Variants in MAPK14 observed in about 807,000 individuals in gnomAD.
The protein encoded by MAPK14 is mitogen-activated protein kinase 14.
In MAPK14, 16 loss-of-function variants were observed where a neutral mutation model predicts 49.6. The observed-to-expected ratio is 0.32, with a 90% confidence interval of 0.22 to 0.49. The LOEUF (loss-of-function observed/expected upper bound fraction) is 0.49. Ranked by LOEUF, MAPK14 falls within the 20% of genes least tolerant of loss-of-function variation. MAPK14 has a pLI of 0.99. For synonymous variants in MAPK14, 142 were observed against 158.0 expected (o/e 0.90, Z 0.76); for missense variants, 200 against 441.2 (o/e 0.45, Z 4.90).
At chr6:36,067,857 A>G (rs1764120590) in intron 3 of MAPK14, among the ~76,000 whole-genome samples, 1 of 152,070 alleles carries the variant, frequency 6.6e-6, no homozygotes, top group Admixed American at 6.6e-5. Flanking sequence ...TTGAGTGCCT[A>G]CTATCTATCA....
chr6:36,108,493 G>A lies in MAPK14; in HGVS notation c.*46G>A, dbSNP rs1331035053. ...TGATCCCACTTCACTGTGAGGGGAA[G>A]GCCTTTTCACGGGAACTCTCCAAAT... On this transcript the variant is annotated 3_prime_UTR_variant, in exon 12 of 12. Coordinates refer to ENST00000229794, the MANE Select transcript of MAPK14 (RefSeq NM_139012.3). 2.0e-6 allele frequency: 3 copies of A among 1,476,990 alleles called. No individual in the cohort carries two copies. The highest frequency in any genetic ancestry group is 3.3e-5 in the Admixed American group (2 of 59,822). The allele number at this position is 1,476,990 out of a possible 1,614,324, so 91.5% of individuals were successfully genotyped here.
At chr6:36,101,251 G>A (rs1474653656) in intron 9 of MAPK14, among the ~76,000 whole-genome samples, 1 of 152,036 alleles carries the variant, frequency 6.6e-6, no homozygotes, top group Non-Finnish European at 1.5e-5. Flanking sequence ...ACCATCCTGG[G>A]CAACACAGCA....
intron 1 of MAPK14, among the ~76,000 whole-genome samples, chr6:36,036,614 T>C (rs780018712): frequency 4.6e-5 from 7 of 152,164 alleles, no homozygotes; most frequent in African/African-American, 1.7e-4. Context: ...CCCTGAGTAG[T>C]CAGCAGCCAT....
chr6:36,115,967 G>A (rs2127481635), downstream of MAPK14, among the ~76,000 whole-genome samples: 1 of 151,342 alleles, frequency 6.6e-6, no homozygotes, highest in East Asian at 1.9e-4. Flanking sequence ...AAGTTATCTG[G>A]GCATGGTGGC....
At chr6:36,117,474 A>G in the MAPK14 span, among the ~76,000 whole-genome samples, 5 of 151,988 alleles carry the variant, frequency 3.3e-5, no homozygotes, top group East Asian at 9.6e-4. Flanking sequence ...CCCTCAGTAA[A>G]TTTCTGACCA....
intron 2 of MAPK14, among the ~76,000 whole-genome samples, chr6:36,058,088 G>A (rs538490338): frequency 5.3e-5 from 8 of 152,216 alleles, no homozygotes; most frequent in Admixed American, 5.2e-4. Context: ...ATGGGTTATT[G>A]AGTATTAAGT....
rs542377233 is a variant in MAPK14 at position 36,101,445 on chromosome 6, A to T, written c.763-1126A>T. 4.1e-3 allele frequency among the ~76,000 whole-genome samples: 629 copies of T among 152,092 alleles called. 1 individual carries two copies. Among genetic ancestry groups the T allele is most frequent in the African/African-American group, 0.011 (472 of 41,442 alleles). On this transcript the variant is annotated intron_variant, in intron 9 of 11. Transcript: ENST00000229794. ...GAGCAGAGACTGTGTCTCTAAAAAA[A>T]TTTTTTTAATAAATAAAGAAGGTGA...
At chr6:36,034,677 C>T (rs1762667195) in intron 1 of MAPK14, among the ~76,000 whole-genome samples, 1 of 152,092 alleles carries the variant, frequency 6.6e-6, no homozygotes, top group African/African-American at 2.4e-5. Flanking sequence ...AAGAAACTTT[C>T]AGTATTCAGA....
At chr6:36,045,584 GGATCACGA>G (rs991559773) in intron 1 of MAPK14, among the ~76,000 whole-genome samples, 5 of 151,846 alleles carry the variant, frequency 3.3e-5, no homozygotes, top group Non-Finnish European at 7.4e-5. Context: ...TGAGGTGGGC[GGATCACGA>G]GATCAGGAGA....
chr6:36,100,575 A>G (rs1433067382), intron 9 of MAPK14, among the ~76,000 whole-genome samples: 2 of 152,076 alleles, frequency 1.3e-5, no homozygotes, highest in Non-Finnish European at 2.9e-5. Context: ...TACTATCGTG[A>G]CCTTTATCAG....
intron 1 of MAPK14, among the ~76,000 whole-genome samples, chr6:36,029,435 C>T (rs926387791): frequency 1.3e-5 from 2 of 152,134 alleles, no homozygotes; most frequent in African/African-American, 2.4e-5. Context: ...GTTTTATACC[C>T]TGTATTTTAG....
chr6:36,069,526 C>T (rs987641393), intron 3 of MAPK14, among the ~76,000 whole-genome samples: 4 of 152,250 alleles, frequency 2.6e-5, no homozygotes, highest in African/African-American at 9.6e-5. Flanking sequence ...TTCATTGTAG[C>T]TTAGTAGTAA....
intron 8 of MAPK14, 125 bp downstream of exon 8, chr6:36,076,733 A>C: frequency 1.8e-6 from 1 of 567,820 alleles, no homozygotes; most frequent in Non-Finnish European, 3.0e-6. Flanking sequence ...TAGATAATGC[A>C]TTATGAGGTC....
At chr6:36,059,029 A>G (rs1763695568) in intron 2 of MAPK14, among the ~76,000 whole-genome samples, 1 of 151,970 alleles carries the variant, frequency 6.6e-6, no homozygotes, top group Non-Finnish European at 1.5e-5. Context: ...AGCTGGGATT[A>G]CAGGCGCCCG....
chr6:36,058,756 G>T (rs1191092124), intron 2 of MAPK14, among the ~76,000 whole-genome samples: 1 of 152,080 alleles, frequency 6.6e-6, no homozygotes, highest in Non-Finnish European at 1.5e-5. Flanking sequence ...AATTAGCTAG[G>T]CATGGTGGTG....
intron 10 of MAPK14, among the ~76,000 whole-genome samples, chr6:36,102,932 T>C (rs1459249308): frequency 6.6e-6 from 1 of 152,094 alleles, no homozygotes; most frequent in Non-Finnish European, 1.5e-5. Context: ...AAAAGATTGG[T>C]GAGGCAGGAA....
chr6:36,095,984 T>G lies in MAPK14; in HGVS notation c.683-3T>G. The G allele has an allele frequency of 6.3e-7, 1 of 1,580,744 alleles. No individual in the cohort carries two copies. ...AACATTTTCCTTTATGGTCCACCATTAGATATTGATCAGTTGAAGCTCATT... is the reference window on the plus strand; with the variant it reads ...AACATTTTCCTTTATGGTCCACCATGAGATATTGATCAGTTGAAGCTCATT... On this transcript the variant is annotated splice_polypyrimidine_tract_variant and splice_region_variant and intron_variant, in intron 8 of 11. Coordinates refer to ENST00000229794, the MANE Select transcript of MAPK14 (RefSeq NM_139012.3).
Position 36,108,888 on chromosome 6 carries a change from G to A in MAPK14, c.*441G>A, listed in dbSNP as rs201954271. 15 of 186,794 alleles carry A rather than the reference G, an allele frequency of 8.0e-5. No homozygotes were observed. The highest frequency in any genetic ancestry group is 1.5e-4 in the Non-Finnish European group (13 of 88,340). The allele number at this position is 186,794 out of a possible 1,614,324, so 11.6% of individuals were successfully genotyped here. A position where few individuals can be genotyped will look rare whatever the true frequency, so the allele number is the denominator to read the frequency against. On this transcript the variant is annotated 3_prime_UTR_variant, in exon 12 of 12. Transcript: ENST00000229794. The stretch of plus-strand genomic sequence containing the variant: ...ACTTGACAACATCCCACAGTGGCAC[G>A]GAGAGAAGGCCCATACCTTCTGGTT...
the MAPK14 span, among the ~76,000 whole-genome samples, chr6:36,120,289 C>CT: frequency 1.3e-5 from 2 of 152,092 alleles, no homozygotes; most frequent in African/African-American, 4.8e-5. Flanking sequence ...TGATGAGTAT[C>CT]TATGATGTTC....
Sources: allele counts gnomAD v4.1 joint callset (sites outside exome capture counted in the v4.1 genomes callset), GRCh38; gene constraint gnomAD v4.1.1; transcripts MANE v1.5; gene names NCBI Gene and HGNC (gene_info 2026-07-23, HGNC 2026-07-21).